TENM3: variants seen among roughly 807,000 people sequenced by gnomAD.
The protein encoded by TENM3 is teneurin-3.
Under a neutral mutation model 255.1 loss-of-function variants are expected in TENM3, and 63 were observed. The observed-to-expected ratio is 0.25, with a 90% CI of 0.20 to 0.30. The LOEUF (loss-of-function observed/expected upper bound fraction) is 0.30. TENM3 is among the 10% of genes least tolerant of loss of function. TENM3 has a pLI of 1.00. For synonymous variants in TENM3, 1,306 were observed against 1,322.3 expected, an observed-to-expected ratio of 0.99 and a Z score of 0.27; for missense variants, 2,929 against 3,461.1, an observed-to-expected ratio of 0.85 and a Z score of 3.86.
chr4:182,355,609 G>T (rs917375295), intron 3 of TENM3, among the ~76,000 whole-genome samples: 1 of 152,084 alleles, frequency 6.6e-6, no homozygotes, highest in Non-Finnish European at 1.5e-5. Flanking sequence ...AAGCAAATTG[G>T]CCAGTTAGAT....
chr4:182,596,440 G>T (rs1747232288), intron 3 of TENM3, among the ~76,000 whole-genome samples: 1 of 152,120 alleles, frequency 6.6e-6, no homozygotes, highest in Admixed American at 6.5e-5. Flanking sequence ...TGCGAATAGA[G>T]CCATGAAAAA....
the TENM3 span, among the ~76,000 whole-genome samples, chr4:181,958,427 T>A: frequency 5.9e-5 from 9 of 152,236 alleles, no homozygotes; most frequent in African/African-American, 2.2e-4. Flanking sequence ...CTGTTTGGAA[T>A]GCAAATATCC....
intron 3 of TENM3, among the ~76,000 whole-genome samples, chr4:182,439,370 G>C (rs1472108884): frequency 6.6e-6 from 1 of 152,160 alleles, no homozygotes; most frequent in Admixed American, 6.5e-5. Flanking sequence ...TAAGCACATT[G>C]GCTTTTTATA....
intron 3 of TENM3, among the ~76,000 whole-genome samples, chr4:182,593,850 T>G (rs919155202): frequency 6.6e-6 from 1 of 152,176 alleles, no homozygotes; most frequent in Non-Finnish European, 1.5e-5. Flanking sequence ...CCAGTTTTCC[T>G]GTCTCAAAGT....
At chr4:182,160,192 C>T (rs1751040239) in intron 1 of TENM3, among the ~76,000 whole-genome samples, 1 of 150,868 alleles carries the variant, frequency 6.6e-6, no homozygotes, top group Non-Finnish European at 1.5e-5. Context: ...TTAGTAGAGA[C>T]GGGGTTTCAC....
the TENM3 span, among the ~76,000 whole-genome samples, chr4:181,857,087 A>T: frequency 2.6e-5 from 4 of 152,212 alleles, no homozygotes; most frequent in African/African-American, 9.7e-5. Flanking sequence ...ATAGGCAAGT[A>T]AATTACTTAA....
At chr4:181,906,095 G>A in the TENM3 span, 1 of 324,686 alleles carries the variant, frequency 3.1e-6, no homozygotes, top group Non-Finnish European at 6.2e-6. Flanking sequence ...TTCCAGTCCT[G>A]AAGGCACTGG....
chr4:182,061,800 A>T, the TENM3 span, among the ~76,000 whole-genome samples: 1 of 151,998 alleles, frequency 6.6e-6, no homozygotes, highest in South Asian at 2.1e-4. Flanking sequence ...CTCTACAAAA[A>T]AAAAATTAAA....
chr4:181,681,720 C>A, the TENM3 span, among the ~76,000 whole-genome samples: 20 of 151,072 alleles, frequency 1.3e-4, no homozygotes, highest in Non-Finnish European at 2.5e-4. Context: ...AATTCACAGG[C>A]AAAATTTGGT....
rs1433928057 is a variant in TENM3 at position 182,793,501 on chromosome 4, C to T, written c.6829C>T (p.Leu2277Phe). The change falls in exon 26 of 28, where the codon CTC (leucine) becomes TTC (phenylalanine). Residue 2277 changes from leucine (L) to phenylalanine (F), a missense_variant. Physicochemically the swap from Leu to Phe is conservative, Grantham distance 22. Coordinates refer to ENST00000511685, the MANE Select transcript of TENM3 (RefSeq NM_001080477.4). This position sits in a 1 kb window ranked among gnomAD's most constrained non-coding sequence, Gnocchi z 5.7. ...AGAAATTACCTCCCTGTATTATGAT[C>T]TCCAAGGACATCTTTTTGCCATGGA... Reference protein sequence around the residue: ...SSEITSLYYDLQGHLFAMEIS... With the variant: ...SSEITSLYYDFQGHLFAMEIS... 1.2e-6 allele frequency: 2 copies of T among 1,613,840 alleles called. No individual in the cohort carries two copies. Among genetic ancestry groups the T allele is most frequent in the African/African-American group, 2.7e-5 (2 of 74,922 alleles).
the TENM3 span, among the ~76,000 whole-genome samples, chr4:181,784,757 A>G: frequency 6.6e-6 from 1 of 152,170 alleles, no homozygotes; most frequent in South Asian, 2.1e-4. Context: ...CAATGTGATA[A>G]TTCATGATTC....
In TENM3 at chr4:182,177,585, G is replaced by T. The variant is rs543792598; in HGVS notation, c.-76+32831G>T. ...ATGAAAAAAAATTTATTTAAAATGGGGACATATTTGGCATACATATATATA... is the reference window on the plus strand; with the variant it reads ...ATGAAAAAAAATTTATTTAAAATGGTGACATATTTGGCATACATATATATA... On this transcript the variant is annotated intron_variant, in intron 1 of 2. Coordinates refer to the TENM3 transcript ENST00000512480. 4.0e-5 allele frequency among the ~76,000 whole-genome samples: 6 copies of T among 150,138 alleles called. 1 individual carries two copies. In the South Asian group the frequency reaches 1.3e-3, roughly 32 times the overall value.
intron 5 of TENM3, among the ~76,000 whole-genome samples, chr4:182,653,462 T>C (rs1753500575): frequency 6.6e-6 from 1 of 152,174 alleles, no homozygotes; most frequent in South Asian, 2.1e-4. Flanking sequence ...ACCAGTTACT[T>C]AAAAGATGGT....
chr4:182,195,983 C>A (rs1273434545), intron 1 of TENM3, among the ~76,000 whole-genome samples: 1 of 152,162 alleles, frequency 6.6e-6, no homozygotes, highest in Non-Finnish European at 1.5e-5. Flanking sequence ...CTGGCAACTT[C>A]TTTTCAGGGC....
chr4:181,574,397 G>A, the TENM3 span, among the ~76,000 whole-genome samples: 56 of 152,004 alleles, frequency 3.7e-4, no homozygotes, highest in Middle Eastern at 3.4e-3. Flanking sequence ...CGGGCGCGGT[G>A]GCGGGCGCCT....
Position 182,785,712 on chromosome 4 carries a change from T to TAAAAAAAAA in TENM3, c.5305-3368_5305-3360dup, listed in dbSNP as rs397879537. 2.2e-4 allele frequency among the ~76,000 whole-genome samples: 13 copies of TAAAAAAAAA among 60,046 alleles called. 1 individual carries two copies. Among genetic ancestry groups the TAAAAAAAAA allele is most frequent in the Admixed American group, 6.7e-4 (3 of 4,464 alleles). The allele number at this position is 60,046 out of a possible 152,430, so 39.4% of individuals were successfully genotyped here. A position where few individuals can be genotyped will look rare whatever the true frequency, so the allele number is the denominator to read the frequency against. ...GTCCCAGCCAGACCCTGTCTCAAGATAAAAAAAAAAAAAAAAAAAAAGCCA... is the reference window on the plus strand; with the variant it reads ...GTCCCAGCCAGACCCTGTCTCAAGATAAAAAAAAAAAAAAAAAAAAAAAAAAAAAAGCCA... On this transcript the variant is annotated intron_variant, in intron 24 of 27. Coordinates refer to ENST00000511685, the MANE Select transcript of TENM3 (RefSeq NM_001080477.4).
At chr4:182,472,867 C>G (rs1192014470) in intron 3 of TENM3, among the ~76,000 whole-genome samples, 1 of 152,036 alleles carries the variant, frequency 6.6e-6, no homozygotes, top group Non-Finnish European at 1.5e-5. Flanking sequence ...AGGTGCATGC[C>G]ATCATGCCCG....
At position 182,786,224 on chromosome 4, in the gene TENM3, T is replaced by G. The variant is rs1765643411; in HGVS notation, c.5305-2869T>G. Among the ~76,000 whole-genome samples, 6 of 152,184 alleles carry G rather than the reference T, an allele frequency of 3.9e-5. No individual in the cohort carries two copies. The South Asian group carries it at 1.2e-3, about 32-fold the overall frequency. On this transcript the variant is annotated intron_variant, in intron 24 of 27. Transcript: ENST00000511685. ...ATCATCTGACTTGCATCTGGGTGTT[T>G]CGGTGTCGCCTAGCCACACTCACAA...
At chr4:181,823,821 A>G in the TENM3 span, among the ~76,000 whole-genome samples, 4 of 152,122 alleles carry the variant, frequency 2.6e-5, no homozygotes, top group Non-Finnish European at 5.9e-5. Context: ...TGCCTTTCTC[A>G]CAGCTTGACT....
Sources: allele counts gnomAD v4.1 joint callset (sites outside exome capture counted in the v4.1 genomes callset), GRCh38; gene constraint gnomAD v4.1.1; non-coding constraint Gnocchi (gnomAD v3.1); transcripts MANE v1.5; gene names NCBI Gene and HGNC (gene_info 2026-07-23, HGNC 2026-07-21).